Variants in KCNH2 observed in about 807,000 individuals in gnomAD.
KCNH2 encodes the protein potassium voltage-gated channel subfamily H member 2.
KCNH2 carries 35 observed loss-of-function variants against 95.9 expected under a neutral mutation model. The ratio of observed to expected loss-of-function variants is 0.37; its 90% CI spans 0.28 to 0.48. The LOEUF is 0.48. Among genes scored for constraint, KCNH2 ranks in the 20% least tolerant of loss-of-function variants. KCNH2 has a pLI of 0.99. For missense variants in KCNH2, 1,274 were observed against 1,702.9 expected (o/e 0.75, Z 4.43); for synonymous variants, 786 against 754.7 (o/e 1.04, Z -0.68).
At chr7:150,968,343 A>G (rs1307286200) in intron 2 of KCNH2, among the ~76,000 whole-genome samples, 1 of 152,178 alleles carries the variant, frequency 6.6e-6, no homozygotes, top group Non-Finnish European at 1.5e-5. Flanking sequence ...TGGGAGTTGG[A>G]GACATTGTGG....
Position 150,958,239 on chromosome 7 carries a change from C to A in KCNH2, c.736G>T (p.Gly246Cys), listed in dbSNP as rs1057520689. Residue 246 changes from glycine to cysteine, a missense_variant, in exon 4 of 15, where the codon GGC (glycine) becomes TGC (cysteine). Gly to Cys is a radical substitution (Grantham distance 159). This residue lies in a region of KCNH2 where 392 missense variants were observed against 429.9 expected (regional missense o/e 0.91). Transcript: ENST00000262186. ...GPGSPPRSAP[G>C]QLPSPRAHSL... ...TGCGCCCGGGGCGATGGGAGCTGGC[C>A]GGGCGCGCTGCGGGGCGGAGAGCCG... 2 of 1,401,414 alleles carry A rather than the reference C, an allele frequency of 1.4e-6. No individual in the cohort carries two copies. The highest frequency in any genetic ancestry group is 5.9e-5 in the Admixed American group (2 of 34,178). The allele number at this position is 1,401,414 out of a possible 1,614,324, so 86.8% of individuals were successfully genotyped here.
chr7:150,957,164 G>T, intron 5 of KCNH2, 127 bp downstream of exon 5: 2 of 788,654 alleles, frequency 2.5e-6, no homozygotes, highest in Non-Finnish European at 4.4e-6. Context: ...CCAACCCTCA[G>T]GTCTGCCTCC....
intron 2 of KCNH2, among the ~76,000 whole-genome samples, chr7:150,965,425 G>C (rs1375016350): frequency 6.6e-6 from 1 of 152,116 alleles, no homozygotes; most frequent in Non-Finnish European, 1.5e-5. Context: ...GCACGAACTG[G>C]AAGTCCCACC....
chr7:150,947,832 C>T lies in KCNH2; in HGVS notation c.2739G>A (p.Ala913=), dbSNP rs776097223. 345 of 1,525,506 alleles carry T rather than the reference C, an allele frequency of 2.3e-4. 1 individual carries two copies. Among genetic ancestry groups the T allele is most frequent in the Middle Eastern group, 4.6e-4 (2 of 4,376 alleles). 94.5% of individuals were successfully genotyped at this position (1,525,506 alleles called of 1,614,324 possible). ...GGCCCCGGCTACTCGGCCCTGCCCC[C>T]GCCCGGCCCGGCCCCAAGGCCGACA... is the stretch of plus-strand genomic sequence containing the variant. ...GEVSALGPGR[A]GAGPSSRGRP... The change falls in exon 12 of 15, where the codon GCG becomes GCA. Residue 913 remains alanine, a synonymous_variant. Coordinates refer to ENST00000262186, the MANE Select transcript of KCNH2 (RefSeq NM_000238.4).
intron 10 of KCNH2, 132 bp from the exon 11 acceptor site, chr7:150,948,675 C>T: frequency 9.2e-7 from 1 of 1,090,202 alleles, no homozygotes; most frequent in Admixed American, 1.9e-5. Flanking sequence ...TTCCCTGCCC[C>T]CAATGTGATT....
At position 150,958,039 on chromosome 7, in the gene KCNH2, G is replaced by T; in HGVS notation, c.916+20C>A. 7.9e-7 allele frequency: 1 copy of T among 1,263,886 alleles called. No homozygotes were observed. Among genetic ancestry groups the T allele is most frequent in the South Asian group, 3.4e-5 (1 of 29,728 alleles). The allele number at this position is 1,263,886 out of a possible 1,614,324, so 78.3% of individuals were successfully genotyped here. A position where few individuals can be genotyped will look rare whatever the true frequency, so the allele number is the denominator to read the frequency against. ...GAAGAAGCGTGGGCTGGGGCGGAAC[G>T]GGTCCCGCGGCGCCCTCACCGGTGC... On this transcript the variant is annotated intron_variant, in intron 4 of 14. Coordinates refer to ENST00000262186, the MANE Select transcript of KCNH2 (RefSeq NM_000238.4).
chr7:150,947,455 A>T lies in KCNH2; in HGVS notation c.3025T>A (p.Tyr1009Asn). Residue 1009 changes from tyrosine to asparagine, a missense_variant, in exon 13 of 15, where the codon TAC becomes AAC. By Grantham distance (143) the Tyr-to-Asn change is moderately radical. Around this residue, in one of 7 missense-constraint regions of KCNH2, gnomAD observed 457 missense variants for 416.1 expected, o/e 1.10. Transcript: ENST00000262186. ...SFWGDSRGRQYQELPRCPAPT... is the reference protein window; with the variant it reads ...SFWGDSRGRQNQELPRCPAPT... Reference sequence around the variant, plus strand: ...GCGGGGCATCGAGGGAGCTCCTGGTACTGGCGGCCCCGACTGTCCCCCCAG... The same window carrying T: ...GCGGGGCATCGAGGGAGCTCCTGGTTCTGGCGGCCCCGACTGTCCCCCCAG... The T allele has an allele frequency of 6.4e-7, 1 of 1,567,826 alleles. No individual in the cohort carries two copies. The highest frequency in any genetic ancestry group is 1.3e-5 in the African/African-American group (1 of 74,334).
intron 2 of KCNH2, among the ~76,000 whole-genome samples, chr7:150,960,279 TC>T (rs1801520509): frequency 6.6e-6 from 1 of 152,136 alleles, no homozygotes; most frequent in Non-Finnish European, 1.5e-5. Context: ...AATAATTTTT[TC>T]TTTTTAAAAT....
At chr7:150,951,314 C>T (rs1039278043) in intron 7 of KCNH2, 134 bp downstream of exon 7, 4 of 1,241,424 alleles carry the variant, frequency 3.2e-6, no homozygotes, top group African/African-American at 1.5e-5. Flanking sequence ...GCCCCCAAAC[C>T]ATGTCACGAT....
intron 5 of KCNH2, among the ~76,000 whole-genome samples, chr7:150,953,283 A>T (rs1801253538): frequency 6.6e-6 from 1 of 152,164 alleles, no homozygotes; most frequent in Non-Finnish European, 1.5e-5. Flanking sequence ...CAGGAGCCAT[A>T]GCCCCAATCC....
At chr7:150,960,291 T>G (rs1044741491) in intron 2 of KCNH2, among the ~76,000 whole-genome samples, 10 of 152,244 alleles carry the variant, frequency 6.6e-5, no homozygotes, top group Non-Finnish European at 1.0e-4. Flanking sequence ...TTTTTAAAAT[T>G]TTTTAACTTT....
intron 5 of KCNH2, chr7:150,955,389 C>T: frequency 6.4e-7 from 1 of 1,555,246 alleles, no homozygotes; most frequent in Non-Finnish European, 8.7e-7. Flanking sequence ...GACCGGGTGT[C>T]ACCTACCTCC....
intron 2 of KCNH2, among the ~76,000 whole-genome samples, chr7:150,973,991 G>A (rs1801903327): frequency 1.3e-5 from 2 of 152,242 alleles, no homozygotes; most frequent in South Asian, 4.1e-4. Context: ...CACCCCAACA[G>A]GGCATTCACG....
intron 2 of KCNH2, among the ~76,000 whole-genome samples, chr7:150,969,874 C>T (rs1177643530): frequency 2.6e-5 from 4 of 152,166 alleles, no homozygotes; most frequent in African/African-American, 9.7e-5. Flanking sequence ...AGGCCAACCA[C>T]AGGCCACAGC....
intron 2 of KCNH2, among the ~76,000 whole-genome samples, chr7:150,960,694 G>C (rs1801542187): frequency 1.3e-5 from 2 of 152,204 alleles, no homozygotes. Context: ...ACTGCTTCTA[G>C]ATCTTTCATC....
In KCNH2 at chr7:150,956,418, G is replaced by T. The variant is rs528800408; in HGVS notation, c.1128+873C>A. 6.8e-4 allele frequency among the ~76,000 whole-genome samples: 103 copies of T among 152,322 alleles called. No homozygotes were observed. The Middle Eastern group carries it at 0.02, about 30-fold the overall frequency. On this transcript the variant is annotated intron_variant, in intron 5 of 14. Transcript: ENST00000262186. ...AACCCAGGCAGCTGCTGTGGAAGGG[G>T]CAGGAGGGAACAGCTTGGGACAGGA...
At chr7:150,948,577 T>C in intron 10 of KCNH2, 34 bp from the exon 11 acceptor site, 1 of 1,568,108 alleles carries the variant, frequency 6.4e-7, no homozygotes, top group South Asian at 1.1e-5. Context: ...GCCCTTTCAG[T>C]GCTCTCCTGC....
At chr7:150,948,100 G>A (rs1800987296) in intron 11 of KCNH2, among the ~76,000 whole-genome samples, 1 of 152,244 alleles carries the variant, frequency 6.6e-6, no homozygotes, top group East Asian at 1.9e-4. Context: ...TCAGGGGTTG[G>A]CGGATCTCTG....
At chr7:150,955,455 T>C in intron 5 of KCNH2, 1 of 1,563,522 alleles carries the variant, frequency 6.4e-7, no homozygotes, top group South Asian at 1.2e-5. Context: ...TTCTGGGCCC[T>C]GGGCCGCAGA....
Sources: allele counts gnomAD v4.1 joint callset (sites outside exome capture counted in the v4.1 genomes callset), GRCh38; gene constraint gnomAD v4.1.1; regional missense constraint gnomAD v4.1.1; transcripts MANE v1.5; gene names NCBI Gene and HGNC (gene_info 2026-07-23, HGNC 2026-07-21).